BABAM2: variants seen among roughly 807,000 people sequenced by gnomAD.
BABAM2 encodes the protein BRISC and BRCA1-A complex member 2.
A neutral mutation model predicts 54.7 loss-of-function variants in BABAM2; 31 were observed. That is an observed-to-expected ratio of 0.57 (90% CI 0.43 to 0.77). BABAM2 has a LOEUF of 0.77. BABAM2 is among the 30% of genes least tolerant of loss of function. BABAM2 has a pLI of 0.00. For synonymous variants in BABAM2, 167 were observed against 162.9 expected (o/e 1.03, Z -0.19); for missense variants, 364 against 455.8 (o/e 0.80, Z 1.83).
chr2:28,157,844 C>T (rs964185838), intron 7 of BABAM2, among the ~76,000 whole-genome samples: 12 of 152,118 alleles, frequency 7.9e-5, no homozygotes, highest in African/African-American at 2.7e-4. Flanking sequence ...CTCCTGACCT[C>T]GTGATCTGCC....
chr2:28,057,375 C>T (rs137996745), intron 6 of BABAM2, among the ~76,000 whole-genome samples: 16 of 152,268 alleles, frequency 1.1e-4, no homozygotes, highest in African/African-American at 3.9e-4. Flanking sequence ...GCCCTATTTT[C>T]TTCAGTCCGT....
At chr2:28,269,535 T>G (rs1400367661) in intron 10 of BABAM2, among the ~76,000 whole-genome samples, 1 of 152,178 alleles carries the variant, frequency 6.6e-6, no homozygotes, top group African/African-American at 2.4e-5. Context: ...AAATACCTAG[T>G]TGGGAGTGAC....
chr2:28,229,347 T>A (rs1267016733), intron 7 of BABAM2, among the ~76,000 whole-genome samples: 1 of 152,180 alleles, frequency 6.6e-6, no homozygotes, highest in East Asian at 1.9e-4. Flanking sequence ...TAAGATGGGA[T>A]AACACTTCTC....
At chr2:28,076,607 T>G (rs1411349058) in intron 6 of BABAM2, among the ~76,000 whole-genome samples, 1 of 152,048 alleles carries the variant, frequency 6.6e-6, no homozygotes, top group Admixed American at 6.6e-5. Flanking sequence ...GCCATTCTCC[T>G]GCCTCAGCCT....
intron 6 of BABAM2, among the ~76,000 whole-genome samples, chr2:28,108,267 TA>T (rs1667698905): frequency 6.6e-6 from 1 of 152,190 alleles, no homozygotes; most frequent in Admixed American, 6.5e-5. Flanking sequence ...CTATTTAGTA[TA>T]AAATTTTTTG....
intron 7 of BABAM2, among the ~76,000 whole-genome samples, chr2:28,185,739 C>CT (rs375258189): frequency 0.011 from 1,595 of 148,068 alleles, 29 homozygotes; most frequent in African/African-American, 0.037. Context: ...TTTTTTTGCT[C>CT]TTTTTTTTTT....
At chr2:28,179,838 G>A (rs1112176) in intron 7 of BABAM2, among the ~76,000 whole-genome samples, 150,722 of 152,312 alleles carry the variant, frequency 0.99, 74,600 homozygotes, top group Middle Eastern at 1. Flanking sequence ...ATAATGAAGT[G>A]GCTGAGGAAA....
intron 7 of BABAM2, among the ~76,000 whole-genome samples, chr2:28,187,530 C>T (rs572493740): frequency 3.7e-4 from 57 of 152,222 alleles, no homozygotes; most frequent in African/African-American, 1.2e-3. Context: ...TTGAGTCTTT[C>T]AGTGTAAAAT....
intron 6 of BABAM2, among the ~76,000 whole-genome samples, chr2:28,054,220 G>A (rs1483033324): frequency 6.6e-6 from 1 of 152,062 alleles, no homozygotes; most frequent in Non-Finnish European, 1.5e-5. Flanking sequence ...CTCAGTGAGT[G>A]TCCGTGGTTT....
chr2:28,110,521 G>A lies in BABAM2; in HGVS notation c.571-18750G>A, dbSNP rs984118193. 1.9e-4 allele frequency among the ~76,000 whole-genome samples: 29 copies of A among 152,034 alleles called. 1 individual carries two copies. Among genetic ancestry groups the A allele is most frequent in the African/African-American group, 7.0e-4 (29 of 41,382 alleles). On this transcript the variant is annotated intron_variant, in intron 6 of 11. Coordinates refer to ENST00000379624, the MANE Select transcript of BABAM2 (RefSeq NM_199191.3). ...TGCCTGTAATCCCAGCTACTCGAGA[G>A]GCTGAGGCAGGAGAATCACTTGAAC...
intron 7 of BABAM2, among the ~76,000 whole-genome samples, chr2:28,139,341 A>AAAG (rs1670841061): frequency 1.6e-5 from 2 of 123,978 alleles, no homozygotes; most frequent in Non-Finnish European, 3.3e-5. Context: ...AAAAAAAAAA[A>AAAG]AAAAGAAAAA....
intron 6 of BABAM2, among the ~76,000 whole-genome samples, chr2:28,057,846 A>G (rs1025004270): frequency 3.9e-5 from 6 of 152,158 alleles, no homozygotes; most frequent in African/African-American, 7.2e-5. Flanking sequence ...TGGTTTTGAT[A>G]AAGAGAAGCT....
chr2:27,974,389 A>C (rs1286077665), intron 3 of BABAM2, among the ~76,000 whole-genome samples: 2 of 152,188 alleles, frequency 1.3e-5, no homozygotes, highest in African/African-American at 4.8e-5. Flanking sequence ...GTATGTATAC[A>C]AGTAAAATAA....
chr2:27,963,792 T>C (rs537921675), intron 3 of BABAM2, among the ~76,000 whole-genome samples: 11 of 152,332 alleles, frequency 7.2e-5, no homozygotes, highest in Non-Finnish European at 1.5e-4. Context: ...TGAAATACTC[T>C]AGGGTTGTAT....
At chr2:28,297,506 A>T (rs1407868510) in intron 10 of BABAM2, among the ~76,000 whole-genome samples, 3 of 152,216 alleles carry the variant, frequency 2.0e-5, no homozygotes, top group African/African-American at 7.2e-5. Flanking sequence ...GCCTCAACTA[A>T]TAACAAGTCA....
At chr2:27,967,283 C>G (rs1670900988) in intron 3 of BABAM2, among the ~76,000 whole-genome samples, 1 of 152,090 alleles carries the variant, frequency 6.6e-6, no homozygotes, top group Admixed American at 6.5e-5. Context: ...CCATGCTGTT[C>G]TCGTGATGCT....
At chr2:28,263,057 T>A (rs993830331) in intron 10 of BABAM2, among the ~76,000 whole-genome samples, 7 of 147,270 alleles carry the variant, frequency 4.8e-5, no homozygotes, top group African/African-American at 1.8e-4. Flanking sequence ...AGATGAAAGG[T>A]GAAGCAATTT....
chr2:28,127,819 T>C (rs1475127445), intron 6 of BABAM2, among the ~76,000 whole-genome samples: 3 of 151,260 alleles, frequency 2.0e-5, no homozygotes, highest in Non-Finnish European at 3.0e-5. Context: ...TTTTTTTTTT[T>C]TTTTTGAGGT....
Position 28,233,501 on chromosome 2 carries a change from C to A in BABAM2, c.681-3701C>A, listed in dbSNP as rs1236696174. ...TTCATGGCACTTTACTTAGTTTATTCAGCATGATCAGGGCAGCATTCAGGC... is the reference window on the plus strand; with the variant it reads ...TTCATGGCACTTTACTTAGTTTATTAAGCATGATCAGGGCAGCATTCAGGC... On this transcript the variant is annotated intron_variant, in intron 7 of 11. Coordinates refer to ENST00000379624, the MANE Select transcript of BABAM2 (RefSeq NM_199191.3). 2.0e-5 allele frequency among the ~76,000 whole-genome samples: 3 copies of A among 152,180 alleles called. No individual in the cohort carries two copies. In the East Asian group the frequency reaches 5.8e-4, roughly 29 times the overall value.
Sources: allele counts gnomAD v4.1 joint callset (sites outside exome capture counted in the v4.1 genomes callset), GRCh38; gene constraint gnomAD v4.1.1; transcripts MANE v1.5; gene names NCBI Gene and HGNC (gene_info 2026-07-23, HGNC 2026-07-21).